EXOC4: variants seen among roughly 807,000 people sequenced by gnomAD.
EXOC4 encodes the protein exocyst complex component 4, also known as SEC8-like 1.
EXOC4 carries 71 observed loss-of-function variants against 107.2 expected under a neutral mutation model. The observed-to-expected ratio is 0.66, with a 90% CI of 0.55 to 0.81. The LOEUF is 0.81. Ranked by LOEUF, EXOC4 falls within the 30% of genes least tolerant of loss-of-function variation. The pLI is 0.00. For missense variants in EXOC4, 1,108 were observed against 1,189.6 expected (o/e 0.93, Z 1.01); for synonymous variants, 456 against 441.2 (o/e 1.03, Z -0.42).
At chr7:133,938,129 A>G in intron 14 of EXOC4, 60 bp downstream of exon 14, 1 of 1,552,614 alleles carries the variant, frequency 6.4e-7, no homozygotes, top group Non-Finnish European at 8.9e-7. Context: ...GAATGCATTC[A>G]TTGAAAGATG....
intron 9 of EXOC4, among the ~76,000 whole-genome samples, chr7:133,529,025 A>G (rs2150919857): frequency 6.6e-6 from 1 of 152,270 alleles, no homozygotes; most frequent in South Asian, 2.1e-4. Context: ...ATGTTATCCA[A>G]GCCTCCCCTG....
intron 9 of EXOC4, among the ~76,000 whole-genome samples, chr7:133,489,936 C>A (rs1185630758): frequency 6.6e-6 from 1 of 152,106 alleles, no homozygotes; most frequent in South Asian, 2.1e-4. Context: ...CCAACATGGA[C>A]GTGTAATTTA....
chr7:133,355,386 A>G (rs1295717674), intron 5 of EXOC4, among the ~76,000 whole-genome samples: 2 of 152,102 alleles, frequency 1.3e-5, no homozygotes, highest in African/African-American at 2.4e-5. Context: ...TGAGGCAGTT[A>G]CTTTTAAGTC....
At position 133,925,555 on chromosome 7, in the gene EXOC4, G is replaced by A. The variant is rs374740646; in HGVS notation, c.2027+7817G>A. Among the ~76,000 whole-genome samples the A allele has an allele frequency of 1.4e-4, 22 of 152,218 alleles. 1 individual carries two copies. The highest frequency in any genetic ancestry group is 5.1e-4 in the African/African-American group (21 of 41,538). On this transcript the variant is annotated intron_variant, in intron 13 of 17. Transcript: ENST00000253861. ...AGGGAAGGAGCTAGGGAGGCCATGTGTATTAGAAAAACAGCCCCCACCCCA... is the reference window on the plus strand; with the variant it reads ...AGGGAAGGAGCTAGGGAGGCCATGTATATTAGAAAAACAGCCCCCACCCCA...
intron 14 of EXOC4, among the ~76,000 whole-genome samples, chr7:133,965,106 T>C (rs2116851814): frequency 6.6e-6 from 1 of 152,364 alleles, no homozygotes. Context: ...TTTCATCTGT[T>C]TGTTGGCTGC....
At chr7:133,417,004 T>C (rs79577627) in intron 7 of EXOC4, among the ~76,000 whole-genome samples, 1 of 152,102 alleles carries the variant, frequency 6.6e-6, no homozygotes. Context: ...TCTAACAACA[T>C]TGAGGATTCA....
intron 10 of EXOC4, among the ~76,000 whole-genome samples, chr7:133,638,291 A>G (rs1802761996): frequency 6.6e-6 from 1 of 152,212 alleles, no homozygotes; most frequent in African/African-American, 2.4e-5. Context: ...GGAAATGCTT[A>G]ACCAGAAGTT....
At chr7:133,319,041 G>C (rs1461297523) in intron 5 of EXOC4, among the ~76,000 whole-genome samples, 2 of 152,154 alleles carry the variant, frequency 1.3e-5, no homozygotes, top group East Asian at 1.9e-4. Context: ...TTTTATCTCT[G>C]CCTTTTATGG....
intron 10 of EXOC4, among the ~76,000 whole-genome samples, chr7:133,706,081 G>A (rs745341101): frequency 1.3e-5 from 2 of 152,104 alleles, no homozygotes; most frequent in Non-Finnish European, 2.9e-5. Context: ...AAAAAGTATA[G>A]TATCCACCTG....
intron 9 of EXOC4, among the ~76,000 whole-genome samples, chr7:133,587,909 T>C (rs2150974463): frequency 6.6e-6 from 1 of 152,370 alleles, no homozygotes; most frequent in East Asian, 1.9e-4. Context: ...TGATTAGTTC[T>C]AGCAGGTTTT....
chr7:133,331,687 T>G (rs938819206), intron 5 of EXOC4, among the ~76,000 whole-genome samples: 1 of 151,996 alleles, frequency 6.6e-6, no homozygotes. Flanking sequence ...GGATGGTCTC[T>G]ATCTCCTGAC....
chr7:133,403,322 C>T (rs905417545), intron 7 of EXOC4, among the ~76,000 whole-genome samples: 1 of 152,196 alleles, frequency 6.6e-6, no homozygotes, highest in Non-Finnish European at 1.5e-5. Flanking sequence ...GTTTGAGACC[C>T]TTAAGGGACT....
chr7:133,738,777 G>A (rs1397740215), intron 10 of EXOC4, among the ~76,000 whole-genome samples: 3 of 152,064 alleles, frequency 2.0e-5, no homozygotes, highest in Non-Finnish European at 4.4e-5. Flanking sequence ...AAGGAGCTTG[G>A]GTACCATGTG....
intron 10 of EXOC4, among the ~76,000 whole-genome samples, chr7:133,645,749 T>C (rs774831622): frequency 7.9e-5 from 12 of 152,180 alleles, no homozygotes; most frequent in Admixed American, 2.6e-4. Flanking sequence ...CCCCCTAAAA[T>C]AGATTTTCAT....
chr7:133,619,375 A>T (rs556130887), intron 9 of EXOC4, among the ~76,000 whole-genome samples: 62 of 152,358 alleles, frequency 4.1e-4, no homozygotes, highest in African/African-American at 1.5e-3. Flanking sequence ...AGACAATGAC[A>T]GCATTTAAAC....
chr7:133,854,439 CACACACACACAT>C (rs1478958891), intron 11 of EXOC4, among the ~76,000 whole-genome samples: 3 of 151,706 alleles, frequency 2.0e-5, no homozygotes, highest in African/African-American at 7.3e-5. Context: ...CACACACACA[CACACACACACAT>C]ACATTTTAAT....
intron 7 of EXOC4, among the ~76,000 whole-genome samples, chr7:133,442,751 C>T (rs760337403): frequency 6.6e-6 from 1 of 151,950 alleles, no homozygotes; most frequent in African/African-American, 2.4e-5. Flanking sequence ...TTGAAGGAAT[C>T]GAAGATTTGC....
At chr7:133,434,749 C>T (rs1387481904) in intron 7 of EXOC4, among the ~76,000 whole-genome samples, 1 of 152,116 alleles carries the variant, frequency 6.6e-6, no homozygotes, top group Non-Finnish European at 1.5e-5. Flanking sequence ...AAATGAGGTG[C>T]CTTTTATACA....
At chr7:133,885,983 G>A (rs1367106954) in intron 11 of EXOC4, among the ~76,000 whole-genome samples, 1 of 152,104 alleles carries the variant, frequency 6.6e-6, no homozygotes, top group African/African-American at 2.4e-5. Context: ...AGGAAGGATC[G>A]AGAAGTAAGA....
Sources: allele counts gnomAD v4.1 joint callset (sites outside exome capture counted in the v4.1 genomes callset), GRCh38; gene constraint gnomAD v4.1.1; transcripts MANE v1.5; gene names NCBI Gene and HGNC (gene_info 2026-07-23, HGNC 2026-07-21).